SANBR: variants seen among roughly 807,000 people sequenced by gnomAD.
SANBR encodes the protein SANT and BTB domain regulator of class switch recombination.
In SANBR, 77 loss-of-function variants were observed where a neutral mutation model predicts 101.8. The observed-to-expected ratio is 0.76, with a 90% CI of 0.63 to 0.91. The LOEUF (loss-of-function observed/expected upper bound fraction) is 0.91. Ranked by LOEUF, SANBR falls within the 40% of genes least tolerant of loss-of-function variation. The pLI, the probability that SANBR is intolerant of heterozygous loss-of-function variation, is 0.00. For synonymous variants in SANBR, 279 were observed against 274.7 expected (o/e 1.02, Z -0.15); for missense variants, 875 against 853.0 (o/e 1.03, Z -0.32).
chr2:61,095,704 A>T (rs978572587), intron 11 of SANBR, among the ~76,000 whole-genome samples: 1 of 152,026 alleles, frequency 6.6e-6, no homozygotes, highest in East Asian at 1.9e-4. Context: ...AGTCTCCCCC[A>T]GTGAGGAACT....
chr2:61,090,971 C>G (rs1199935755), intron 10 of SANBR, among the ~76,000 whole-genome samples: 1 of 148,686 alleles, frequency 6.7e-6, no homozygotes, highest in African/African-American at 2.5e-5. Context: ...TGCAATGGCA[C>G]AATCTTGGAT....
chr2:61,121,785 G>A (rs975394297), intron 21 of SANBR, among the ~76,000 whole-genome samples: 5 of 152,066 alleles, frequency 3.3e-5, no homozygotes, highest in African/African-American at 1.2e-4. Context: ...AATCCAGAAA[G>A]TTCAAAAAGC....
chr2:61,091,560 A>G (rs1405673296), intron 10 of SANBR, among the ~76,000 whole-genome samples: 1 of 149,382 alleles, frequency 6.7e-6, no homozygotes, highest in Admixed American at 6.8e-5. Context: ...GCGCCACTTC[A>G]CTCCAGCCTG....
At chr2:61,134,031 C>G in intron 20 of SANBR, 1 of 1,513,252 alleles carries the variant, frequency 6.6e-7, no homozygotes, top group South Asian at 1.3e-5. Flanking sequence ...ACAATCTCAC[C>G]AATTTATCCT....
At chr2:61,121,317 A>C in intron 21 of SANBR, 41 bp downstream of exon 21, 1 of 1,420,938 alleles carries the variant, frequency 7.0e-7, no homozygotes, top group Admixed American at 2.0e-5. Flanking sequence ...AGTGGCTTTG[A>C]AGTGAATTTT....
At chr2:61,108,023 A>C (rs1026941959) in intron 14 of SANBR, among the ~76,000 whole-genome samples, 1 of 152,222 alleles carries the variant, frequency 6.6e-6, no homozygotes, top group African/African-American at 2.4e-5. Context: ...TGATTGAAAT[A>C]GTTCTAAAAA....
At chr2:61,066,300 CGGCCGCGCCCCG>C (rs1358891926) in intron 1 of SANBR, 7 of 152,780 alleles carry the variant, frequency 4.6e-5, no homozygotes, top group Non-Finnish European at 5.8e-5. Context: ...TCTGCGCGCC[CGGCCGCGCCCCG>C]GGCCTCTGCC....
At chr2:61,091,748 A>G (rs1339714173) in intron 10 of SANBR, among the ~76,000 whole-genome samples, 1 of 152,170 alleles carries the variant, frequency 6.6e-6, no homozygotes. Flanking sequence ...TGGGTAACAG[A>G]GTATGACCCT....
rs185364280 is a variant in SANBR at position 61,134,614 on chromosome 2, G to A, written c.*44+338G>A. Among the ~76,000 whole-genome samples, 4 of 152,268 alleles carry A rather than the reference G, an allele frequency of 2.6e-5. No homozygotes were observed. The East Asian group carries it at 7.7e-4, about 29-fold the overall frequency. ...TAGAAATATTAGAAATATATTGTTG[G>A]CCAGGCACGGTGGCTCACGCCTGTA... On this transcript the variant is annotated intron_variant, in intron 21 of 21. Transcript: ENST00000295031.
At chr2:61,101,057 A>G (rs568683555) in intron 12 of SANBR, among the ~76,000 whole-genome samples, 1 of 152,258 alleles carries the variant, frequency 6.6e-6, no homozygotes, top group Non-Finnish European at 1.5e-5. Context: ...GTTTTCTTAT[A>G]TTTGCAATCG....
chr2:61,117,410 C>G (rs764300866), intron 18 of SANBR, 25 bp downstream of exon 18: 1 of 1,612,704 alleles, frequency 6.2e-7, no homozygotes, highest in Non-Finnish European at 8.5e-7. Context: ...TTAATCCAAT[C>G]GGATATCCAC....
At chr2:61,107,239 G>A (rs1275752299) in intron 14 of SANBR, among the ~76,000 whole-genome samples, 2 of 151,738 alleles carry the variant, frequency 1.3e-5, no homozygotes, top group African/African-American at 4.8e-5. Context: ...ATGATTTGAG[G>A]AATGAAGATA....
At chr2:61,096,582 C>G (rs927141133) in intron 11 of SANBR, among the ~76,000 whole-genome samples, 5 of 152,064 alleles carry the variant, frequency 3.3e-5, no homozygotes, top group Non-Finnish European at 5.9e-5. Flanking sequence ...TTCTTTTTTT[C>G]TTTTTCTTTT....
chr2:61,116,105 G>T, intron 17 of SANBR, 35 bp downstream of exon 17: 1 of 1,386,804 alleles, frequency 7.2e-7, no homozygotes, highest in Non-Finnish European at 1.0e-6. Flanking sequence ...AAGTTCATAT[G>T]GAAAAATAAG....
intron 11 of SANBR, among the ~76,000 whole-genome samples, chr2:61,094,619 G>A (rs1211180844): frequency 2.7e-5 from 4 of 149,038 alleles, no homozygotes; most frequent in Non-Finnish European, 6.0e-5. Flanking sequence ...TATTTCTCTT[G>A]GATGTATTTA....
At chr2:61,097,977 C>A in intron 12 of SANBR, 125 bp downstream of exon 12, 1 of 647,268 alleles carries the variant, frequency 1.5e-6, no homozygotes. Context: ...ATAACACTCC[C>A]CCATTTTCCA....
intron 12 of SANBR, 124 bp from the exon 13 acceptor site, chr2:61,103,729 C>T: frequency 3.5e-6 from 3 of 859,282 alleles, no homozygotes; most frequent in Non-Finnish European, 5.4e-6. Flanking sequence ...GAATGTTTTT[C>T]TTGAGAAAAA....
intron 6 of SANBR, among the ~76,000 whole-genome samples, chr2:61,080,659 T>C (rs1385499965): frequency 6.6e-6 from 1 of 151,690 alleles, no homozygotes; most frequent in Non-Finnish European, 1.5e-5. Flanking sequence ...AGGCGGAGGT[T>C]GCAGTAAGCA....
chr2:61,071,822 G>C (rs766271795), intron 4 of SANBR, 30 bp downstream of exon 4: 1 of 1,419,450 alleles, frequency 7.0e-7, no homozygotes, highest in Non-Finnish European at 9.7e-7. Context: ...TGTAGTACTT[G>C]CCCTTATGAA....
Sources: gnomAD v4.1 joint callset for allele counts (sites outside exome capture counted in the v4.1 genomes callset) on GRCh38, gnomAD v4.1.1 for gene constraint, MANE v1.5 for transcripts, NCBI Gene and HGNC (gene_info 2026-07-23, HGNC 2026-07-21) for gene names.